Variants in DOK6 observed in about 807,000 individuals in gnomAD.
DOK6 encodes docking protein 6, also known as downstream of tyrosine kinase 6.
A neutral mutation model predicts 44.0 loss-of-function variants in DOK6; 22 were observed. That is an observed-to-expected ratio of 0.50 (90% CI 0.36 to 0.71). The LOEUF is 0.71. DOK6 is among the 30% of genes least tolerant of loss of function. The pLI is 0.00. For synonymous variants in DOK6, 166 were observed against 145.5 expected (o/e 1.14, Z -1.01); for missense variants, 340 against 416.4 (o/e 0.82, Z 1.60).
intron 2 of DOK6, among the ~76,000 whole-genome samples, chr18:69,589,189 A>C (rs1359191317): frequency 6.6e-6 from 1 of 152,186 alleles, no homozygotes; most frequent in Admixed American, 6.5e-5. Context: ...ATGAAAGCTT[A>C]GGATTCAAGC....
chr18:69,666,282 C>A (rs2144676133), intron 3 of DOK6, among the ~76,000 whole-genome samples: 1 of 152,290 alleles, frequency 6.6e-6, no homozygotes, highest in African/African-American at 2.4e-5. Flanking sequence ...CAAGTTACTA[C>A]AGGTGACGTT....
chr18:69,683,950 G>T (rs1007791844), intron 4 of DOK6, among the ~76,000 whole-genome samples: 3 of 152,096 alleles, frequency 2.0e-5, no homozygotes, highest in Non-Finnish European at 4.4e-5. Flanking sequence ...TGGGACTTGT[G>T]TTCCACGAAA....
intron 3 of DOK6, among the ~76,000 whole-genome samples, chr18:69,631,785 C>T (rs1220324273): frequency 2.0e-5 from 3 of 152,200 alleles, no homozygotes; most frequent in African/African-American, 7.2e-5. Context: ...GACATGTGTA[C>T]ATCCATTAGA....
intron 3 of DOK6, among the ~76,000 whole-genome samples, chr18:69,634,911 G>C (rs1035711535): frequency 5.3e-5 from 8 of 151,942 alleles, no homozygotes; most frequent in African/African-American, 1.9e-4. Flanking sequence ...TTCCTTCTCA[G>C]TAAACTCTTT....
At chr18:69,812,463 TG>T (rs1292142098) in intron 7 of DOK6, among the ~76,000 whole-genome samples, 4 of 152,118 alleles carry the variant, frequency 2.6e-5, no homozygotes, top group Non-Finnish European at 4.4e-5. Context: ...ATCGGACAGT[TG>T]TCAATGGCAA....
chr18:69,529,582 A>G (rs977018902), intron 1 of DOK6, among the ~76,000 whole-genome samples: 1 of 152,164 alleles, frequency 6.6e-6, no homozygotes, highest in African/African-American at 2.4e-5. Flanking sequence ...CGTAATGGGC[A>G]CTCCATAACA....
intron 1 of DOK6, among the ~76,000 whole-genome samples, chr18:69,495,755 A>C (rs138912644): frequency 1.7e-3 from 258 of 152,232 alleles, no homozygotes; most frequent in African/African-American, 5.8e-3. Context: ...TGTTCACGCC[A>C]AGAGGAGCCT....
chr18:69,520,663 C>T (rs1052155772), intron 1 of DOK6, among the ~76,000 whole-genome samples: 16 of 151,894 alleles, frequency 1.1e-4, no homozygotes, highest in Non-Finnish European at 2.2e-4. Context: ...GAATGTAAAA[C>T]ATAAATAAAA....
chr18:69,524,286 C>T (rs1456395747), intron 1 of DOK6, among the ~76,000 whole-genome samples: 1 of 151,958 alleles, frequency 6.6e-6, no homozygotes, highest in South Asian at 2.1e-4. Context: ...AATTACACAA[C>T]CCAAACATAA....
At chr18:69,507,201 G>A (rs1330712222) in intron 1 of DOK6, among the ~76,000 whole-genome samples, 1 of 151,878 alleles carries the variant, frequency 6.6e-6, no homozygotes, top group Non-Finnish European at 1.5e-5. Context: ...CTAATTTTTT[G>A]TATTTTCAGT....
At chr18:69,568,080 T>G (rs1983028622) in intron 2 of DOK6, among the ~76,000 whole-genome samples, 1 of 152,152 alleles carries the variant, frequency 6.6e-6, no homozygotes, top group African/African-American at 2.4e-5. Context: ...AGTCAGCAAC[T>G]TCACCGTCTC....
intron 7 of DOK6, among the ~76,000 whole-genome samples, chr18:69,798,127 G>A (rs1980801708): frequency 6.6e-6 from 1 of 152,084 alleles, no homozygotes; most frequent in African/African-American, 2.4e-5. Flanking sequence ...CAGATAAATT[G>A]CAAGGAAAAT....
intron 3 of DOK6, among the ~76,000 whole-genome samples, chr18:69,650,702 T>C (rs73463965): frequency 0.084 from 12,811 of 152,184 alleles, 607 homozygotes; most frequent in African/African-American, 0.11. Flanking sequence ...ATATTGTGCT[T>C]ACCTTGAACA....
chr18:69,721,709 G>A (rs1599285920), intron 5 of DOK6, among the ~76,000 whole-genome samples: 1 of 117,834 alleles, frequency 8.5e-6, no homozygotes, highest in East Asian at 3.1e-4. Flanking sequence ...TGCAGTAGAA[G>A]CACTATTATG....
intron 3 of DOK6, among the ~76,000 whole-genome samples, chr18:69,651,301 C>T (rs191636315): frequency 3.3e-4 from 50 of 152,186 alleles, no homozygotes; most frequent in Non-Finnish European, 1.5e-5. Context: ...TCCAATGGCT[C>T]CCTCAAGACT....
chr18:69,823,470 C>A (rs867864403), intron 7 of DOK6, among the ~76,000 whole-genome samples: 2 of 152,088 alleles, frequency 1.3e-5, no homozygotes, highest in African/African-American at 4.8e-5. Context: ...GAAGCCCATG[C>A]CACAGCTCAG....
intron 7 of DOK6, among the ~76,000 whole-genome samples, chr18:69,797,466 A>G (rs955994389): frequency 6.6e-6 from 1 of 152,156 alleles, no homozygotes; most frequent in Non-Finnish European, 1.5e-5. Context: ...CAGAGGCAGT[A>G]ATCCTCTATT....
intron 7 of DOK6, among the ~76,000 whole-genome samples, chr18:69,829,948 C>A (rs920352577): frequency 1.3e-5 from 2 of 151,902 alleles, no homozygotes; most frequent in Non-Finnish European, 2.9e-5. Flanking sequence ...ATGTCAGAAA[C>A]CTAGTGACAT....
At chr18:69,802,685 T>G (rs1568130425) in intron 7 of DOK6, among the ~76,000 whole-genome samples, 1 of 152,132 alleles carries the variant, frequency 6.6e-6, no homozygotes, top group South Asian at 2.1e-4. Flanking sequence ...GGCCTCCCTG[T>G]CTTGCTCTCT....
Sources: gnomAD v4.1 joint callset for allele counts (sites outside exome capture counted in the v4.1 genomes callset) on GRCh38, gnomAD v4.1.1 for gene constraint, MANE v1.5 for transcripts, NCBI Gene and HGNC (gene_info 2026-07-23, HGNC 2026-07-21) for gene names.